The following TMEM178B variants were observed in gnomAD, a reference collection of about 807,000 sequenced individuals.
The protein encoded by TMEM178B is transmembrane protein 178B.
In TMEM178B, 5 loss-of-function variants were observed where a neutral mutation model predicts 31.0. The observed-to-expected ratio is 0.16, with a 90% confidence interval of 0.08 to 0.34. The LOEUF (loss-of-function observed/expected upper bound fraction) is 0.34, where lower values mean the gene tolerates loss of function less well. Among genes scored for constraint, TMEM178B ranks in the 10% least tolerant of loss-of-function variants. The pLI is 1.00. For missense variants in TMEM178B, 275 were observed against 400.3 expected (o/e 0.69, Z 2.67); for synonymous variants, 164 against 164.0 (o/e 1.00, Z 0.00).
At chr7:141,438,442 G>T (rs991581872) in intron 3 of TMEM178B, among the ~76,000 whole-genome samples, 5 of 151,808 alleles carry the variant, frequency 3.3e-5, no homozygotes, top group Admixed American at 2.6e-4. Flanking sequence ...GTGCTTTTTG[G>T]TCTCCTGGTT....
chr7:141,122,737 T>C (rs1042962708), intron 1 of TMEM178B, among the ~76,000 whole-genome samples: 10 of 152,254 alleles, frequency 6.6e-5, no homozygotes, highest in African/African-American at 2.4e-4. Context: ...GGCTTTTTCC[T>C]TTTTCATCTT....
At chr7:141,198,916 G>A (rs974845401) in intron 1 of TMEM178B, among the ~76,000 whole-genome samples, 4 of 152,316 alleles carry the variant, frequency 2.6e-5, no homozygotes, top group East Asian at 3.9e-4. Flanking sequence ...AAGGTCATTA[G>A]GGATGTGATG....
intron 1 of TMEM178B, among the ~76,000 whole-genome samples, chr7:141,103,364 C>A (rs560161740): frequency 3.2e-4 from 49 of 152,294 alleles, no homozygotes; most frequent in African/African-American, 1.1e-3. Flanking sequence ...CTCGTATCCT[C>A]TTTGATTGGA....
At chr7:141,450,295 T>G (rs1801840235) in intron 3 of TMEM178B, among the ~76,000 whole-genome samples, 1 of 152,220 alleles carries the variant, frequency 6.6e-6, no homozygotes. Context: ...TGCCCAATGC[T>G]TGTTATTCAT....
At chr7:141,221,401 T>C (rs1797254212) in intron 2 of TMEM178B, among the ~76,000 whole-genome samples, 1 of 145,624 alleles carries the variant, frequency 6.9e-6, no homozygotes, top group Non-Finnish European at 1.5e-5. Context: ...AGGTAAGACA[T>C]GGATGTCAGA....
chr7:141,436,183 A>G (rs549362811), intron 2 of TMEM178B, among the ~76,000 whole-genome samples: 59 of 151,902 alleles, frequency 3.9e-4, no homozygotes, highest in Non-Finnish European at 6.9e-4. Flanking sequence ...GAGAGAGAGG[A>G]ATGGAGGGGA....
At chr7:141,395,455 A>G (rs1254366710) in intron 2 of TMEM178B, among the ~76,000 whole-genome samples, 3 of 152,120 alleles carry the variant, frequency 2.0e-5, no homozygotes, top group Admixed American at 6.5e-5. Flanking sequence ...ACAAAATCAA[A>G]AAGAATTTCA....
chr7:141,204,340 C>G (rs1000333473), intron 1 of TMEM178B, among the ~76,000 whole-genome samples: 1 of 152,254 alleles, frequency 6.6e-6, no homozygotes, highest in Non-Finnish European at 1.5e-5. Context: ...TGCTCTCCAT[C>G]TGCCACCCCT....
intron 1 of TMEM178B, among the ~76,000 whole-genome samples, chr7:141,188,907 T>G (rs1796654255): frequency 6.6e-6 from 1 of 152,242 alleles, no homozygotes; most frequent in African/African-American, 2.4e-5. Flanking sequence ...TTGGTAATGC[T>G]GAGCTAGAAG....
chr7:141,429,855 A>C (rs1322802883), intron 2 of TMEM178B: 2 of 152,260 alleles, frequency 1.3e-5, no homozygotes, highest in African/African-American at 2.4e-5. Flanking sequence ...ATATAATTAC[A>C]TTATGATGCG....
intron 2 of TMEM178B, among the ~76,000 whole-genome samples, chr7:141,305,055 G>A (rs946990869): frequency 6.6e-6 from 1 of 152,100 alleles, no homozygotes; most frequent in African/African-American, 2.4e-5. Context: ...CTATGCTATT[G>A]CCAGATTAAT....
chr7:141,465,127 G>C (rs1455130930), intron 3 of TMEM178B, among the ~76,000 whole-genome samples: 1 of 152,194 alleles, frequency 6.6e-6, no homozygotes, highest in East Asian at 1.9e-4. Flanking sequence ...AGAGGCCATG[G>C]TCTGCTCCTG....
At chr7:141,182,856 C>T (rs932718964) in intron 1 of TMEM178B, among the ~76,000 whole-genome samples, 12 of 152,104 alleles carry the variant, frequency 7.9e-5, no homozygotes, top group South Asian at 6.2e-4. Flanking sequence ...TGCCTTCCAC[C>T]GTTTCCTTAG....
rs1482424706 is a variant in TMEM178B at position 141,478,651 on chromosome 7, A to G, written c.*7865A>G. The G allele has an allele frequency of 3.3e-5, 5 of 152,228 alleles. No individual in the cohort carries two copies. The highest frequency in any genetic ancestry group is 7.3e-5 in the Non-Finnish European group (5 of 68,030). 9.4% of individuals were successfully genotyped at this position (152,228 alleles called of 1,614,324 possible). On this transcript the variant is annotated 3_prime_UTR_variant, in exon 4 of 4. Coordinates refer to ENST00000565468, the MANE Select transcript of TMEM178B (RefSeq NM_001195278.2). ...AAAAATAGTATCACTTCAGCATGGA[A>G]TCAATATAAAAATTACTGGGATATT...
At chr7:141,310,798 G>A (rs1316058266) in intron 2 of TMEM178B, among the ~76,000 whole-genome samples, 1 of 152,114 alleles carries the variant, frequency 6.6e-6, no homozygotes, top group African/African-American at 2.4e-5. Flanking sequence ...TCCATTACTG[G>A]ATATATACCC....
chr7:141,106,085 C>CAAAAAAAA (rs3032870), intron 1 of TMEM178B, among the ~76,000 whole-genome samples: 2 of 122,850 alleles, frequency 1.6e-5, no homozygotes, highest in Non-Finnish European at 1.7e-5. Context: ...GACCCTGTCT[C>CAAAAAAAA]AAAAAAAAAA....
intron 1 of TMEM178B, among the ~76,000 whole-genome samples, chr7:141,118,532 C>G (rs1481461392): frequency 6.6e-6 from 1 of 152,144 alleles, no homozygotes; most frequent in African/African-American, 2.4e-5. Flanking sequence ...ACAATAGTGA[C>G]TGATGGTGAT....
At position 141,078,492 on chromosome 7, in the gene TMEM178B, T is replaced by C. The variant is rs183798543; in HGVS notation, c.382+3800T>C. Among the ~76,000 whole-genome samples, 3 of 152,294 alleles carry C rather than the reference T, an allele frequency of 2.0e-5. No individual in the cohort carries two copies. In the East Asian group the frequency reaches 5.8e-4, roughly 29 times the overall value. ...GGGATCAGCAAATATTTACTACACA[T>C]GTATTGTGTTATGGGCACACATCGC... On this transcript the variant is annotated intron_variant, in intron 1 of 3. Transcript: ENST00000565468.
At chr7:141,462,512 C>T (rs1171058305) in intron 3 of TMEM178B, among the ~76,000 whole-genome samples, 1 of 151,484 alleles carries the variant, frequency 6.6e-6, no homozygotes, top group Admixed American at 6.6e-5. Context: ...GCTGGAAAGA[C>T]CAGTGGAGGG....
Sources: gnomAD v4.1 joint callset for allele counts (sites outside exome capture counted in the v4.1 genomes callset) on GRCh38, gnomAD v4.1.1 for gene constraint, MANE v1.5 for transcripts, NCBI Gene and HGNC (gene_info 2026-07-23, HGNC 2026-07-21) for gene names.